The following SHPRH variants were observed in gnomAD, a reference collection of about 807,000 sequenced individuals.
The protein encoded by SHPRH is SNF2 histone linker PHD RING helicase, also known as E3 ubiquitin-protein ligase SHPRH.
SHPRH carries 106 observed loss-of-function variants against 202.5 expected under a neutral mutation model. That is an observed-to-expected ratio of 0.52 (90% CI 0.45 to 0.62). The LOEUF (loss-of-function observed/expected upper bound fraction) is 0.62. SHPRH is among the 20% of genes least tolerant of loss of function. The probability of loss-of-function intolerance (pLI) is 0.00; values close to 1 mark genes in which losing one functional copy is unlikely to be tolerated. For missense variants in SHPRH, 1,710 were observed against 2,020.0 expected, an observed-to-expected ratio of 0.85 and a Z score of 2.94; for synonymous variants, 729 against 686.0, an observed-to-expected ratio of 1.06 and a Z score of -0.98.
chr6:145,909,022 T>C (rs1435168802), intron 25 of SHPRH: 1 of 152,154 alleles, frequency 6.6e-6, no homozygotes, highest in Non-Finnish European at 1.5e-5. Flanking sequence ...CCCCATTGTT[T>C]GTTTTTGTCG....
intron 2 of SHPRH, among the ~76,000 whole-genome samples, chr6:145,879,338 C>T (rs1780446938): frequency 6.6e-6 from 1 of 152,104 alleles, no homozygotes; most frequent in African/African-American, 2.4e-5. Flanking sequence ...CCCATTCCTC[C>T]TTGTATTTCT....
intron 3 of SHPRH, 49 bp downstream of exon 3, chr6:145,952,300 C>T (rs2128800325): frequency 1.3e-6 from 2 of 1,510,508 alleles, no homozygotes; most frequent in East Asian, 2.3e-5. Flanking sequence ...GAGGAAAAAA[C>T]TCACAACTCC....
intron 1 of SHPRH, among the ~76,000 whole-genome samples, chr6:145,961,752 T>G (rs1400369940): frequency 6.6e-6 from 1 of 152,214 alleles, no homozygotes; most frequent in African/African-American, 2.4e-5. Flanking sequence ...TTTCTAGCAA[T>G]GCTCTCCCTT....
chr6:145,861,653 G>A (rs769525851), downstream of SHPRH, among the ~76,000 whole-genome samples: 4 of 152,126 alleles, frequency 2.6e-5, no homozygotes, highest in East Asian at 1.9e-4. Flanking sequence ...TCCCATATTC[G>A]TTGCAGCATT....
chr6:145,963,555 A>G (rs940108570), intron 1 of SHPRH, among the ~76,000 whole-genome samples, 176 bp downstream of exon 1: 1 of 152,204 alleles, frequency 6.6e-6, no homozygotes, highest in African/African-American at 2.4e-5. Flanking sequence ...GTACAATGTC[A>G]AAGAGTGGTT....
At chr6:145,892,758 T>C (rs1328598912) in intron 28 of SHPRH, among the ~76,000 whole-genome samples, 1 of 152,112 alleles carries the variant, frequency 6.6e-6, no homozygotes, top group Non-Finnish European at 1.5e-5. Context: ...AGGGGGTGTC[T>C]TTTCCTAATG....
Position 145,941,630 on chromosome 6 carries a change from G to A in SHPRH, c.2483C>T (p.Thr828Ile). 6.2e-7 allele frequency: 1 copy of A among 1,613,722 alleles called. No individual in the cohort carries two copies. The change falls in exon 10 of 30, where the codon ACA becomes ATA. Residue 828 changes from threonine (T) to isoleucine (I), a missense_variant. Thr to Ile is a moderately conservative substitution (Grantham distance 89). This residue lies in a region of SHPRH where 277 missense variants were observed against 363.0 expected (regional missense o/e 0.76). Coordinates refer to ENST00000275233, the MANE Select transcript of SHPRH (RefSeq NM_001042683.3). ...LDEAQMVECP[T>I]VKAAEMAQRL... ...TTTTGCAGAAACTCTCACTTTTACTGTGGGACACTCAACCATCTGAGCTTC... is the reference window on the plus strand; with the variant it reads ...TTTTGCAGAAACTCTCACTTTTACTATGGGACACTCAACCATCTGAGCTTC...
chr6:145,913,664 T>C (rs1257635862), intron 23 of SHPRH, 115 bp from the exon 24 acceptor site: 1 of 741,828 alleles, frequency 1.3e-6, no homozygotes, highest in Non-Finnish European at 2.1e-6. Context: ...TTACATAATC[T>C]AACAATTTAG....
In SHPRH at chr6:145,922,166, T is replaced by G. The variant is rs1562323150; in HGVS notation, c.3782+120A>C. ...AATACCAAAGGTGTACTAATCAATT[T>G]AATTAAAGAAACAATATAATAAAGG... On this transcript the variant is annotated intron_variant, in intron 20 of 29. Transcript: ENST00000275233. The G allele has an allele frequency of 3.6e-6, 3 of 833,656 alleles. No individual in the cohort carries two copies. In the Admixed American group the frequency reaches 1.0e-4, roughly 28 times the overall value. 51.6% of individuals were successfully genotyped at this position (833,656 alleles called of 1,614,324 possible). A position where few individuals can be genotyped will look rare whatever the true frequency, so the allele number is the denominator to read the frequency against.
intron 23 of SHPRH, among the ~76,000 whole-genome samples, chr6:145,914,706 T>C (rs1412505343): frequency 1.3e-5 from 2 of 152,174 alleles, no homozygotes; most frequent in Non-Finnish European, 2.9e-5. Context: ...AATTTCCATT[T>C]TGACTTCTTC....
At chr6:145,876,641 A>G (rs1450486477) in intron 2 of SHPRH, 1 of 152,092 alleles carries the variant, frequency 6.6e-6, no homozygotes, top group Non-Finnish European at 1.5e-5. Flanking sequence ...ATTCACATAC[A>G]AGTTTTTCTG....
intron 2 of SHPRH, among the ~76,000 whole-genome samples, chr6:145,865,660 G>T (rs1779745700): frequency 6.6e-6 from 1 of 152,192 alleles, no homozygotes; most frequent in African/African-American, 2.4e-5. Flanking sequence ...ATTTGAGTAA[G>T]TTCTGAAGCG....
chr6:145,920,966 AT>A (rs1443083068), intron 21 of SHPRH, among the ~76,000 whole-genome samples, 200 bp downstream of exon 21: 1 of 152,072 alleles, frequency 6.6e-6, no homozygotes, highest in Non-Finnish European at 1.5e-5. Context: ...TCTTTTAGTA[AT>A]TTAATAAATA....
At chr6:145,910,290 G>T in intron 25 of SHPRH, 158 bp downstream of exon 25, 1 of 739,284 alleles carries the variant, frequency 1.4e-6, no homozygotes, top group Non-Finnish European at 2.2e-6. Context: ...AAATTACATG[G>T]TTAAGCTGAG....
Position 145,886,771 on chromosome 6 carries a change from C to A in SHPRH, c.4972G>T (p.Ala1658Ser), listed in dbSNP as rs1317215750. 5.6e-6 allele frequency: 9 copies of A among 1,613,462 alleles called. No individual in the cohort carries two copies. The highest frequency in any genetic ancestry group is 7.6e-6 in the Non-Finnish European group (9 of 1,179,708). The change falls in exon 30 of 30, where the codon GCA becomes TCA. Residue 1658 changes from alanine to serine, a missense_variant. Physicochemically the swap from Ala to Ser is moderately conservative, Grantham distance 99 (BLOSUM62 1). Transcript: ENST00000275233. ...AAGACAGAGGCCTCTGAATGCTTTG[C>A]TGATGAGTTCGTGTGACTGCAAGGT... ...TAERSHTNSSAKHSEASVLTV... is the reference protein window; with the variant it reads ...TAERSHTNSSSKHSEASVLTV...
chr6:145,926,078 A>G, intron 16 of SHPRH, 126 bp downstream of exon 16: 3 of 919,148 alleles, frequency 3.3e-6, no homozygotes, highest in Non-Finnish European at 4.9e-6. Context: ...AATTCGAAAC[A>G]TCAAAGTAAC....
chr6:145,919,866 T>C (rs543803717), intron 21 of SHPRH, among the ~76,000 whole-genome samples: 13 of 152,248 alleles, frequency 8.5e-5, no homozygotes, highest in South Asian at 4.1e-4. Flanking sequence ...TACAATCAAG[T>C]ACTCATCATT....
chr6:145,872,126 A>G (rs1314575136), intron 2 of SHPRH, among the ~76,000 whole-genome samples: 2 of 152,230 alleles, frequency 1.3e-5, no homozygotes, highest in Non-Finnish European at 2.9e-5. Flanking sequence ...CATTTAGGAT[A>G]TAGGCATTGG....
chr6:145,891,643 T>C (rs180923387), intron 28 of SHPRH, among the ~76,000 whole-genome samples: 1 of 152,190 alleles, frequency 6.6e-6, no homozygotes, highest in Non-Finnish European at 1.5e-5. Context: ...AGGCAGACTG[T>C]TCAAGTTGAT....
Sources: gnomAD v4.1 joint callset for allele counts (sites outside exome capture counted in the v4.1 genomes callset) on GRCh38, gnomAD v4.1.1 for gene constraint, gnomAD v4.1.1 regional missense constraint, MANE v1.5 for transcripts, NCBI Gene and HGNC (gene_info 2026-07-23, HGNC 2026-07-21) for gene names.